CHRNA7: variants seen among roughly 807,000 people sequenced by gnomAD.
CHRNA7 encodes cholinergic receptor nicotinic alpha 7 subunit, also known as neuronal acetylcholine receptor subunit alpha-7.
In CHRNA7, 17 loss-of-function variants were observed where a neutral mutation model predicts 48.0. The observed-to-expected ratio is 0.35, with a 90% CI of 0.24 to 0.53. The LOEUF is 0.53. Among genes scored for constraint, CHRNA7 ranks in the 20% least tolerant of loss-of-function variants. CHRNA7 has a pLI of 0.92. For missense variants in CHRNA7, 155 were observed against 577.7 expected, an observed-to-expected ratio of 0.27 and a Z score of 7.50; for synonymous variants, 75 against 242.3, an observed-to-expected ratio of 0.31 and a Z score of 6.41.
At chr15:32,077,714 G>A (rs928297743) in intron 2 of CHRNA7, among the ~76,000 whole-genome samples, 5 of 152,150 alleles carry the variant, frequency 3.3e-5, no homozygotes, top group African/African-American at 4.8e-5. Flanking sequence ...GGCTGTGGAA[G>A]TATGGCACCA....
At chr15:32,037,266 C>T (rs146666689) in intron 2 of CHRNA7, among the ~76,000 whole-genome samples, 1 of 152,220 alleles carries the variant, frequency 6.6e-6, no homozygotes, top group African/African-American at 2.4e-5. Context: ...TTTCTGGGTT[C>T]TCTGTTGTGT....
At chr15:32,131,847 G>A (rs1014131056) in intron 4 of CHRNA7, among the ~76,000 whole-genome samples, 1 of 152,082 alleles carries the variant, frequency 6.6e-6, no homozygotes, top group South Asian at 2.1e-4. Flanking sequence ...GCAGAGGAGG[G>A]AGGACACCAC....
At chr15:32,126,199 G>A (rs995785383) in intron 4 of CHRNA7, among the ~76,000 whole-genome samples, 2 of 152,150 alleles carry the variant, frequency 1.3e-5, no homozygotes, top group Non-Finnish European at 2.9e-5. Flanking sequence ...CTCCTTTGAT[G>A]TTCTTAGTAA....
rs77093384 is a variant in CHRNA7, at chr15:32,155,236, C to T, written c.430+1250C>T. ...ACCACACATACTGGCTGTGCCTTCT[C>T]GGTTGCTGTCTGAGTGCCTTCCCTG... On this transcript the variant is annotated intron_variant, in intron 5 of 9. Transcript: ENST00000306901. 1.7e-4 allele frequency among the ~76,000 whole-genome samples: 19 copies of T among 110,226 alleles called. 3 individuals carry two copies. In the South Asian group the frequency reaches 3.0e-3, roughly 17 times the overall value. The allele number at this position is 110,226 out of a possible 152,430, so 72.3% of individuals were successfully genotyped here.
chr15:32,061,259 G>C (rs1415622435), intron 2 of CHRNA7, among the ~76,000 whole-genome samples: 3 of 152,156 alleles, frequency 2.0e-5, no homozygotes, highest in Admixed American at 6.5e-5. Flanking sequence ...CCGGACCTGG[G>C]AGGAAGCCAG....
intron 2 of CHRNA7, among the ~76,000 whole-genome samples, chr15:32,044,350 T>C (rs1403594713): frequency 1.3e-5 from 2 of 151,882 alleles, no homozygotes; most frequent in African/African-American, 4.8e-5. Context: ...CGATCTTGGC[T>C]CACTACAACC....
chr15:32,119,608 C>T (rs950210561), intron 4 of CHRNA7, among the ~76,000 whole-genome samples: 2 of 151,866 alleles, frequency 1.3e-5, no homozygotes, highest in Admixed American at 1.3e-4. Context: ...ATTTTTGTTT[C>T]AGTTCCTTTT....
At chr15:32,053,978 A>G (rs2049739810) in intron 2 of CHRNA7, among the ~76,000 whole-genome samples, 1 of 152,062 alleles carries the variant, frequency 6.6e-6, no homozygotes, top group African/African-American at 2.4e-5. Flanking sequence ...TGGGAAATTT[A>G]CTCTTGCATC....
At position 32,030,651 on chromosome 15, in the gene CHRNA7, TA is replaced by T; in HGVS notation, c.55+5del. On this transcript the variant is annotated splice_donor_region_variant and intron_variant, in intron 1 of 9. Transcript: ENST00000306901. ...CGCTGGCCGCGTCGCTCCTGCACGG[TA>T]AAGCCACTGCCTCCCCGCCCTCCAC... 1.9e-6 allele frequency: 3 copies of T among 1,577,242 alleles called. No individual in the cohort carries two copies. In the East Asian group the frequency reaches 7.1e-5, roughly 37 times the overall value.
At chr15:32,107,347 C>G (rs2050687465) in intron 3 of CHRNA7, among the ~76,000 whole-genome samples, 1 of 152,058 alleles carries the variant, frequency 6.6e-6, no homozygotes, top group Non-Finnish European at 1.5e-5. Context: ...TTCCCATACC[C>G]TTCTCCCCCA....
chr15:32,047,866 A>G (rs998641838), intron 2 of CHRNA7, among the ~76,000 whole-genome samples: 87 of 152,268 alleles, frequency 5.7e-4, no homozygotes, highest in Non-Finnish European at 1.0e-3. Flanking sequence ...ATTTATTGAG[A>G]GTTTTTAGCA....
At chr15:32,083,460 C>G (rs984715940) in intron 2 of CHRNA7, among the ~76,000 whole-genome samples, 26 of 151,910 alleles carry the variant, frequency 1.7e-4, no homozygotes, top group African/African-American at 6.1e-4. Context: ...TCTGTTACAG[C>G]AACACAAAAC....
rs150075943 is a variant in CHRNA7 at position 32,060,927 on chromosome 15, A to G, written c.195+29890A>G. On this transcript the variant is annotated intron_variant, in intron 2 of 9. Transcript: ENST00000306901. ...CGAGAGGAGGACAGAGCACGTAGCC[A>G]CAGGATGAGCACACCCACCAAGGGC... Among the ~76,000 whole-genome samples, 13 of 152,336 alleles carry G rather than the reference A, an allele frequency of 8.5e-5. No homozygotes were observed. In the East Asian group the frequency reaches 2.5e-3, roughly 29 times the overall value.
intron 2 of CHRNA7, chr15:32,100,275 A>G (rs1305728377): frequency 6.6e-6 from 1 of 152,106 alleles, no homozygotes; most frequent in Non-Finnish European, 1.5e-5. Flanking sequence ...GCTTCTGGGA[A>G]CATCTTCACA....
At chr15:32,033,445 C>G (rs1901938676) in intron 2 of CHRNA7, among the ~76,000 whole-genome samples, 1 of 152,212 alleles carries the variant, frequency 6.6e-6, no homozygotes. Flanking sequence ...ATGAGGAAAA[C>G]CAACATCGGA....
chr15:32,142,424 G>A (rs573646279), intron 4 of CHRNA7, among the ~76,000 whole-genome samples: 1 of 152,184 alleles, frequency 6.6e-6, no homozygotes, highest in Non-Finnish European at 1.5e-5. Context: ...TCAGGATGAT[G>A]CTGGCCTAAT....
chr15:32,055,228 C>T (rs112300109), intron 2 of CHRNA7, among the ~76,000 whole-genome samples: 15 of 148,504 alleles, frequency 1.0e-4, no homozygotes, highest in African/African-American at 3.9e-4. Context: ...ATTTCTCTCT[C>T]TCTTTTTTTT....
intron 2 of CHRNA7, among the ~76,000 whole-genome samples, chr15:32,037,964 A>G (rs1030728955): frequency 6.6e-6 from 1 of 150,728 alleles, no homozygotes; most frequent in Admixed American, 6.6e-5. Context: ...GGAGTGGGAG[A>G]GGGGACAACC....
intron 4 of CHRNA7, among the ~76,000 whole-genome samples, chr15:32,122,044 G>A (rs540553062): frequency 1.6e-4 from 25 of 152,316 alleles, no homozygotes; most frequent in African/African-American, 4.8e-4. Context: ...ACGATGCTGC[G>A]GATGTGAGTT....
Sources: allele counts gnomAD v4.1 joint callset (sites outside exome capture counted in the v4.1 genomes callset), GRCh38; gene constraint gnomAD v4.1.1; transcripts MANE v1.5; gene names NCBI Gene and HGNC (gene_info 2026-07-23, HGNC 2026-07-21).